Variants in ABCC4 observed in about 807,000 individuals in gnomAD.
ABCC4 encodes the protein ATP-binding cassette sub-family C member 4.
Under a neutral mutation model 168.5 loss-of-function variants are expected in ABCC4, and 102 were observed. The observed-to-expected ratio is 0.61, with a 90% CI of 0.52 to 0.71. The LOEUF is 0.71. Ranked by LOEUF, ABCC4 falls within the 30% of genes least tolerant of loss-of-function variation. ABCC4 has a pLI of 0.00. For missense variants in ABCC4, 1,402 were observed against 1,605.8 expected (o/e 0.87, Z 2.17); for synonymous variants, 617 against 590.7 (o/e 1.04, Z -0.65).
chr13:95,294,527 A>T (rs973215421), intron 1 of ABCC4, among the ~76,000 whole-genome samples: 19 of 152,018 alleles, frequency 1.2e-4, no homozygotes, highest in African/African-American at 4.3e-4. Context: ...AGGCCTCTTT[A>T]TTCAGCTGGA....
intron 1 of ABCC4, among the ~76,000 whole-genome samples, chr13:95,272,902 TA>T (rs1189663237): frequency 6.8e-6 from 1 of 147,840 alleles, no homozygotes; most frequent in Non-Finnish European, 1.5e-5. Context: ...AATAAAAAAA[TA>T]AAAAAATAAA....
intron 19 of ABCC4, among the ~76,000 whole-genome samples, chr13:95,153,653 GAC>G (rs1055813599): frequency 4.6e-5 from 7 of 151,964 alleles, no homozygotes; most frequent in African/African-American, 1.7e-4. Context: ...CATTTTATTG[GAC>G]AAACACAGTG....
chr13:95,062,865 G>C lies in ABCC4; in HGVS notation c.3211-6C>G, dbSNP rs568004891. ...GTTCTTCCCACAATGCCAACCTACA[G>C]AGAGATCCAGGCGGCAGGATTAAAA... On this transcript the variant is annotated splice_region_variant and splice_polypyrimidine_tract_variant and intron_variant, in intron 25 of 30. Coordinates refer to ENST00000645237, the MANE Select transcript of ABCC4 (RefSeq NM_005845.5). The C allele has an allele frequency of 4.4e-6, 7 of 1,592,376 alleles. No individual in the cohort carries two copies. The South Asian group carries it at 8.0e-5, about 18-fold the overall frequency.
chr13:95,099,654 C>T (rs2034728682), intron 20 of ABCC4, among the ~76,000 whole-genome samples: 1 of 152,116 alleles, frequency 6.6e-6, no homozygotes, highest in Non-Finnish European at 1.5e-5. Flanking sequence ...AATGTGAGAA[C>T]TAATGGTAAC....
intron 3 of ABCC4, among the ~76,000 whole-genome samples, chr13:95,236,961 C>T (rs1048725779): frequency 3.3e-5 from 5 of 152,200 alleles, no homozygotes; most frequent in African/African-American, 1.2e-4. Context: ...AGGGCCGCAG[C>T]AGACACACCT....
At chr13:95,084,562 C>T (rs1465224122) in intron 20 of ABCC4, among the ~76,000 whole-genome samples, 1 of 151,832 alleles carries the variant, frequency 6.6e-6, no homozygotes, top group African/African-American at 2.4e-5. Context: ...AAATTTTTGT[C>T]TTCTATTTCT....
chr13:95,026,819 G>A (rs1347196288), intron 30 of ABCC4, among the ~76,000 whole-genome samples: 1 of 151,830 alleles, frequency 6.6e-6, no homozygotes, highest in Non-Finnish European at 1.5e-5. Flanking sequence ...AGCCTGGGAG[G>A]TTAAGGCTCC....
intron 19 of ABCC4, among the ~76,000 whole-genome samples, chr13:95,130,179 G>A (rs968028993): frequency 2.6e-5 from 4 of 151,844 alleles, no homozygotes; most frequent in African/African-American, 4.8e-5. Flanking sequence ...AATAAAGATC[G>A]ACTTTTATTG....
In ABCC4 at chr13:95,063,185, C is replaced by T. The variant is rs1401163066; in HGVS notation, c.3211-326G>A. On this transcript the variant is annotated intron_variant, in intron 25 of 30. Coordinates refer to ENST00000645237, the MANE Select transcript of ABCC4 (RefSeq NM_005845.5). ...GGCAAAACTGCCCCTGGTTGAGATC[C>T]ACTGTTCTAAAAAAGAGTTGAAAAT... 3.9e-5 allele frequency among the ~76,000 whole-genome samples: 6 copies of T among 152,156 alleles called. No homozygotes were observed. In the East Asian group the frequency reaches 1.2e-3, roughly 29 times the overall value.
At chr13:95,143,990 G>T (rs1330354486) in intron 19 of ABCC4, among the ~76,000 whole-genome samples, 1 of 152,102 alleles carries the variant, frequency 6.6e-6, no homozygotes, top group Non-Finnish European at 1.5e-5. Context: ...GAAGACAGAG[G>T]TTAAAATATT....
At chr13:95,220,935 C>A (rs1474254177) in intron 4 of ABCC4, among the ~76,000 whole-genome samples, 1 of 152,184 alleles carries the variant, frequency 6.6e-6, no homozygotes, top group Non-Finnish European at 1.5e-5. Flanking sequence ...CTCAGAAATT[C>A]TTTCCTCTTC....
chr13:95,023,605 C>T (rs1321776681), intron 30 of ABCC4, among the ~76,000 whole-genome samples: 4 of 152,178 alleles, frequency 2.6e-5, no homozygotes, highest in African/African-American at 9.7e-5. Flanking sequence ...CAATAGCTTA[C>T]GTCACAGGAA....
At chr13:95,173,796 G>A (rs2037564206) in intron 13 of ABCC4, among the ~76,000 whole-genome samples, 1 of 152,212 alleles carries the variant, frequency 6.6e-6, no homozygotes, top group Non-Finnish European at 1.5e-5. Flanking sequence ...ATTAGGAGGT[G>A]AGGCCTATTT....
chr13:95,296,031 G>A (rs2041522270), intron 1 of ABCC4, among the ~76,000 whole-genome samples: 1 of 151,094 alleles, frequency 6.6e-6, no homozygotes, highest in Non-Finnish European at 1.5e-5. Context: ...TACTTGGGAG[G>A]CTGAGCTGGA....
rs190687110 is a variant in ABCC4, at chr13:95,196,718, A to G, written c.1162-1781T>C. ...GAAGGAAGGAAGGAAGGAAGGAAGG[A>G]AGGAAGGAAGGAAGAAGGGAGGGAG... On this transcript the variant is annotated intron_variant, in intron 8 of 30. Transcript: ENST00000645237. 1.9e-4 allele frequency among the ~76,000 whole-genome samples: 19 copies of G among 102,094 alleles called. No individual in the cohort carries two copies. In the East Asian group the frequency reaches 3.8e-3, roughly 20 times the overall value. 67.0% of individuals were successfully genotyped at this position (102,094 alleles called of 152,430 possible).
chr13:95,246,897 A>AT, intron 3 of ABCC4, 78 bp downstream of exon 3: 1 of 1,508,022 alleles, frequency 6.6e-7, no homozygotes, highest in Non-Finnish European at 9.0e-7. Context: ...TCCCCCATCC[A>AT]TTACAGCACC....
intron 13 of ABCC4, among the ~76,000 whole-genome samples, chr13:95,173,518 C>G (rs886570681): frequency 7.2e-5 from 11 of 152,356 alleles, no homozygotes; most frequent in African/African-American, 2.6e-4. Flanking sequence ...AATACCCTTA[C>G]AGACAGGCAG....
In ABCC4 at chr13:95,179,060, T is replaced by A. The variant is rs577902148; in HGVS notation, c.1546-969A>T. The stretch of plus-strand genomic sequence containing the variant: ...ATCAAAAGGTTGATTATGGCCAAAC[T>A]GAAATGCTGACCGGCTATCCTGACT... On this transcript the variant is annotated intron_variant, in intron 11 of 30. Transcript: ENST00000645237. 9.2e-5 allele frequency among the ~76,000 whole-genome samples: 14 copies of A among 152,248 alleles called. No individual in the cohort carries two copies. The South Asian group carries it at 2.9e-3, about 32-fold the overall frequency.
At chr13:95,188,687 G>C in intron 9 of ABCC4, 145 bp from the exon 10 acceptor site, 1 of 700,126 alleles carries the variant, frequency 1.4e-6, no homozygotes, top group Non-Finnish European at 2.3e-6. Flanking sequence ...TTGTATCCTA[G>C]AGTCCTTTTC....
Sources: allele counts gnomAD v4.1 joint callset (sites outside exome capture counted in the v4.1 genomes callset), GRCh38; gene constraint gnomAD v4.1.1; transcripts MANE v1.5; gene names NCBI Gene and HGNC (gene_info 2026-07-23, HGNC 2026-07-21).